The following FGFR3 variants were observed in gnomAD, a reference collection of about 807,000 sequenced individuals.
The protein encoded by FGFR3 is fibroblast growth factor receptor 3.
In FGFR3, 25 loss-of-function variants were observed where a neutral mutation model predicts 82.9. The observed-to-expected ratio is 0.30, with a 90% CI of 0.22 to 0.42. FGFR3 has a LOEUF of 0.42. FGFR3 is among the 10% of genes least tolerant of loss of function. The probability of loss-of-function intolerance (pLI) is 1.00; values close to 1 mark genes in which losing one functional copy is unlikely to be tolerated. For synonymous variants in FGFR3, 620 were observed against 516.0 expected (o/e 1.20, Z -2.73); for missense variants, 1,026 against 1,161.0 (o/e 0.88, Z 1.69).
Position 1,807,309 on chromosome 4 carries a change from C to G in FGFR3, c.*47C>G. On this transcript the variant is annotated 3_prime_UTR_variant, in exon 18 of 18. Coordinates refer to ENST00000440486, the MANE Select transcript of FGFR3 (RefSeq NM_000142.5). ...TGTGAGGGGTCCCTAGCAGCCCACC[C>G]TGCTGCTGGTGCACAGCCACTCCCC... 5.8e-6 allele frequency: 9 copies of G among 1,555,476 alleles called. No homozygotes were observed. Among genetic ancestry groups the G allele is most frequent in the Non-Finnish European group, 7.8e-6 (9 of 1,154,916 alleles).
rs971607941 is a variant in FGFR3, at chr4:1,803,686, T to G, written c.931-6T>G. The G allele has an allele frequency of 6.2e-7, 1 of 1,613,424 alleles. No individual in the cohort carries two copies. Among genetic ancestry groups the G allele is most frequent in the African/African-American group, 1.3e-5 (1 of 75,062 alleles). ...GCTCGCCTATCGCTCTGCTCTCTCT[T>G]TGTAGACGGCGGGCGCTAACACCAC... On this transcript the variant is annotated splice_region_variant and splice_polypyrimidine_tract_variant and intron_variant, in intron 7 of 17. Transcript: ENST00000440486.
chr4:1,797,770 C>T (rs193128706), intron 2 of FGFR3, among the ~76,000 whole-genome samples: 479 of 152,258 alleles, frequency 3.1e-3, no homozygotes, highest in Non-Finnish European at 5.3e-3. Flanking sequence ...CCCGGTGGGG[C>T]GAGGGCTCCT....
In FGFR3 at chr4:1,806,070, C is replaced by G. The variant is rs753541491; in HGVS notation, c.1856C>G (p.Ala619Gly). The G allele has an allele frequency of 6.2e-7, 1 of 1,613,598 alleles. No homozygotes were observed. Among genetic ancestry groups the G allele is most frequent in the East Asian group, 2.2e-5 (1 of 44,882 alleles). Residue 619 changes from alanine to glycine, a missense_variant, in exon 14 of 18, where the codon GCT becomes GGT. By Grantham distance (60) the Ala-to-Gly change is moderately conservative. Around this residue, in one of 9 missense-constraint regions of FGFR3, gnomAD observed 11 missense variants for 23.8 expected, o/e 0.46. Transcript: ENST00000440486. ...ASQKCIHRDL[A>G]ARNVLVTEDN... ...CCCCAGTGCATCCACAGGGACCTGG[C>G]TGCCCGCAATGTGCTGGTGACCGAG...
chr4:1,805,861 A>G lies in FGFR3; in HGVS notation c.1757A>G (p.Glu586Gly), dbSNP rs1199886553. 6.2e-7 allele frequency: 1 copy of G among 1,612,674 alleles called. No homozygotes were observed. The highest frequency in any genetic ancestry group is 1.7e-5 in the Admixed American group (1 of 60,016). Residue 586 changes from glutamate (E) to glycine (G), a missense_variant, in exon 13 of 18, where the codon GAG becomes GGG. By Grantham distance (98) the Glu-to-Gly change is moderately conservative. Coordinates refer to ENST00000440486, the MANE Select transcript of FGFR3 (RefSeq NM_000142.5). Reference protein sequence around the residue: ...DYSFDTCKPPEEQLTFKDLVS... With the variant: ...DYSFDTCKPPGEQLTFKDLVS... ...TCCTTCGACACCTGCAAGCCGCCCG[A>G]GGAGCAGCTCACCTTCAAGGACCTG...
chr4:1,808,002 G>C lies in FGFR3; in HGVS notation c.*740G>C, dbSNP rs911357460. On this transcript the variant is annotated 3_prime_UTR_variant, in exon 18 of 18. Transcript: ENST00000440486. ...GCAGGCATGGCCCTGGGCGGGGCGT[G>C]GGGGGGCGTGGAGGGAGGCCCCAGG... The C allele has an allele frequency of 4.2e-6, 1 of 240,416 alleles. No individual in the cohort carries two copies. The highest frequency in any genetic ancestry group is 5.3e-5 in the Admixed American group (1 of 18,968). 14.9% of individuals were successfully genotyped at this position (240,416 alleles called of 1,614,324 possible).
At chr4:1,799,609 T>C in intron 3 of FGFR3, 86 bp downstream of exon 3, 3 of 1,547,888 alleles carry the variant, frequency 1.9e-6, no homozygotes, top group Non-Finnish European at 2.6e-6. Context: ...CGGCTGGGGG[T>C]CTCTCTGGTC....
chr4:1,794,073 G>A (rs892479531), intron 2 of FGFR3, 30 bp downstream of exon 2: 4 of 1,285,644 alleles, frequency 3.1e-6, no homozygotes, highest in Non-Finnish European at 4.1e-6. Context: ...GCACGGGAGA[G>A]GCCGGCCCGT....
intron 7 of FGFR3, chr4:1,802,881 G>A (rs751832825): frequency 3.2e-6 from 5 of 1,566,802 alleles, no homozygotes; most frequent in South Asian, 1.2e-5. Context: ...CTGCCTCGGG[G>A]GCGTGCCTGA....
intron 7 of FGFR3, chr4:1,802,851 C>T (rs1450965090): frequency 9.2e-6 from 14 of 1,523,458 alleles, no homozygotes; most frequent in Non-Finnish European, 1.1e-5. Flanking sequence ...CTCCCACATC[C>T]TGCCTCGTGC....
At chr4:1,806,980 C>T (rs753389127) in intron 17 of FGFR3, 46 bp downstream of exon 17, 10 of 1,565,820 alleles carry the variant, frequency 6.4e-6, no homozygotes, top group African/African-American at 1.4e-5. Context: ...TGCCCCTCCC[C>T]CTGCCGTCCC....
rs17881656 is a variant in FGFR3 at position 1,804,404 on chromosome 4, T to A, written c.1150T>A (p.Phe384Ile). The part of the protein sequence containing the change: ...AGILSYGVGF[F>I]LFILVVAAVT... ...CATCCTCAGCTACGGGGTGGGCTTC[T>A]TCCTGTTCATCCTGGTGGTGGCGGC... is the stretch of plus-strand genomic sequence containing the variant. Residue 384 changes from phenylalanine to isoleucine, a missense_variant, in exon 9 of 18, where the codon TTC (phenylalanine) becomes ATC (isoleucine). Phe to Ile is a conservative substitution (Grantham distance 21). This residue lies in a region of FGFR3 where 256 missense variants were observed against 217.6 expected (regional missense o/e 1.18). Transcript: ENST00000440486. 8 of 1,613,190 alleles carry A rather than the reference T, an allele frequency of 5.0e-6. No individual in the cohort carries two copies. The highest frequency in any genetic ancestry group is 6.8e-6 in the Non-Finnish European group (8 of 1,179,724).
chr4:1,805,324 A>C, intron 10 of FGFR3, 31 bp from the exon 11 acceptor site: 1 of 1,608,564 alleles, frequency 6.2e-7, no homozygotes, highest in Non-Finnish European at 8.5e-7. Flanking sequence ...GCGAGTTTGC[A>C]CACTCATGGT....
At chr4:1,799,162 T>C in intron 2 of FGFR3, 92 bp from the exon 3 acceptor site, 1 of 1,578,256 alleles carries the variant, frequency 6.3e-7, no homozygotes, top group Non-Finnish European at 8.7e-7. Context: ...AGAGCCTTCC[T>C]CACTCAGGGC....
At chr4:1,807,011 G>T in intron 17 of FGFR3, 77 bp downstream of exon 17, 4 of 1,551,512 alleles carry the variant, frequency 2.6e-6, no homozygotes, top group Non-Finnish European at 3.5e-6. Context: ...GCCCCCCAGA[G>T]TGCTGAGGTG....
chr4:1,804,555 T>C (rs748546779), intron 9 of FGFR3, 35 bp downstream of exon 9: 4 of 1,608,148 alleles, frequency 2.5e-6, no homozygotes, highest in South Asian at 1.1e-5. Flanking sequence ...CTGAGCTGCC[T>C]GCCCGCCAGG....
At position 1,799,244 on chromosome 4, in the gene FGFR3, T is replaced by C. The variant is rs1384998694; in HGVS notation, c.110-10T>C. On this transcript the variant is annotated splice_polypyrimidine_tract_variant and intron_variant, in intron 2 of 17. Transcript: ENST00000440486. ...GGTGCCTGCCTCATGGTTGCCCATC[T>C]TCCCCACAGAAGTCCCGGGCCCAGA... 2 of 1,612,228 alleles carry C rather than the reference T, an allele frequency of 1.2e-6. No homozygotes were observed. Among genetic ancestry groups the C allele is most frequent in the East Asian group, 2.2e-5 (1 of 44,878 alleles).
At position 1,808,702 on chromosome 4, in the gene FGFR3, C is replaced by T. The variant is rs1490284012; in HGVS notation, c.*1440C>T. The stretch of plus-strand genomic sequence containing the variant: ...GGTTCGTTCTGTACTGTTACTGGGC[C>T]CTGAGTCTGGGCAGCTGTCCCTTGC... On this transcript the variant is annotated 3_prime_UTR_variant, in exon 18 of 18. Coordinates refer to ENST00000440486, the MANE Select transcript of FGFR3 (RefSeq NM_000142.5). 4.3e-6 allele frequency: 1 copy of T among 232,504 alleles called. No homozygotes were observed. Among genetic ancestry groups the T allele is most frequent in the East Asian group, 6.1e-5 (1 of 16,504 alleles). 14.4% of individuals were successfully genotyped at this position (232,504 alleles called of 1,614,324 possible).
rs1248761755 is a variant in FGFR3, at chr4:1,799,363, C to T, written c.219C>T (p.Val73=). The T allele has an allele frequency of 3.1e-6, 5 of 1,612,586 alleles. No homozygotes were observed. Among genetic ancestry groups the T allele is most frequent in the Middle Eastern group, 1.7e-4 (1 of 6,040 alleles). The change falls in exon 3 of 18, where the codon GTC becomes GTT. Residue 73 remains valine, a synonymous_variant. Transcript: ENST00000440486. Reference sequence around the variant, plus strand: ...GGGGTGGTCCCATGGGGCCCACTGTCTGGGTCAAGGATGGCACAGGGCTGG... The same window carrying T: ...GGGGTGGTCCCATGGGGCCCACTGTTTGGGTCAAGGATGGCACAGGGCTGG... ...PPGGGPMGPT[V]WVKDGTGLVP... is the part of the protein sequence containing the mutation.
At chr4:1,797,142 G>T (rs1205215928) in intron 2 of FGFR3, among the ~76,000 whole-genome samples, 1 of 152,168 alleles carries the variant, frequency 6.6e-6, no homozygotes, top group Non-Finnish European at 1.5e-5. Context: ...TGTCAGTGGG[G>T]CCTCCCTTTT....
Sources: gnomAD v4.1 joint callset for allele counts (sites outside exome capture counted in the v4.1 genomes callset) on GRCh38, gnomAD v4.1.1 for gene constraint, gnomAD v4.1.1 regional missense constraint, MANE v1.5 for transcripts, NCBI Gene and HGNC (gene_info 2026-07-23, HGNC 2026-07-21) for gene names.